The following CCSER1 variants were observed in gnomAD, a reference collection of about 807,000 sequenced individuals.
CCSER1 encodes serine-rich coiled-coil domain-containing protein 1.
Under a neutral mutation model 82.0 loss-of-function variants are expected in CCSER1, and 41 were observed. The observed-to-expected ratio is 0.50, with a 90% CI of 0.39 to 0.65. CCSER1 has a LOEUF of 0.65. CCSER1 is among the 30% of genes least tolerant of loss of function. CCSER1 has a pLI of 0.00. For missense variants in CCSER1, 1,119 were observed against 1,064.2 expected (o/e 1.05, Z -0.72); for synonymous variants, 414 against 383.9 (o/e 1.08, Z -0.92).
chr4:91,202,543 A>G (rs1281516699), intron 10 of CCSER1, among the ~76,000 whole-genome samples: 2 of 152,028 alleles, frequency 1.3e-5, no homozygotes, highest in African/African-American at 4.8e-5. Context: ...ATTTTTATTG[A>G]TTGCCGAAAG....
At chr4:91,121,041 C>T (rs1368318352) in intron 10 of CCSER1, among the ~76,000 whole-genome samples, 1 of 151,704 alleles carries the variant, frequency 6.6e-6, no homozygotes, top group Non-Finnish European at 1.5e-5. Flanking sequence ...TAATAAAAAA[C>T]ATTTTGACAG....
intron 10 of CCSER1, among the ~76,000 whole-genome samples, chr4:91,318,883 TC>T (rs1468363014): frequency 6.6e-6 from 1 of 151,998 alleles, no homozygotes; most frequent in East Asian, 1.9e-4. Context: ...GCATATTCCC[TC>T]ATTAGTTTTT....
At chr4:91,586,100 G>A (rs1172840248) in intron 10 of CCSER1, among the ~76,000 whole-genome samples, 3 of 151,630 alleles carry the variant, frequency 2.0e-5, no homozygotes, top group South Asian at 2.1e-4. Flanking sequence ...AGAGGTAGAA[G>A]GAGAATGCAT....
At chr4:90,324,007 G>T (rs1276273853) in intron 3 of CCSER1, among the ~76,000 whole-genome samples, 7 of 152,042 alleles carry the variant, frequency 4.6e-5, no homozygotes, top group African/African-American at 7.2e-5. Context: ...ACTCATCATT[G>T]TTTATGGCTG....
intron 1 of CCSER1, among the ~76,000 whole-genome samples, chr4:90,135,307 A>T (rs564422163): frequency 6.6e-6 from 1 of 152,160 alleles, no homozygotes; most frequent in South Asian, 2.1e-4. Flanking sequence ...ACCCAATCTC[A>T]CTATTCCTCC....
chr4:90,744,816 G>A (rs892738758), intron 7 of CCSER1, among the ~76,000 whole-genome samples: 1 of 151,942 alleles, frequency 6.6e-6, no homozygotes, highest in Non-Finnish European at 1.5e-5. Flanking sequence ...AGTGATCTGA[G>A]GTGGAATAGT....
At chr4:91,398,546 A>C (rs1490992206) in intron 10 of CCSER1, among the ~76,000 whole-genome samples, 3 of 151,998 alleles carry the variant, frequency 2.0e-5, no homozygotes, top group Non-Finnish European at 4.4e-5. Flanking sequence ...GAATTAATTC[A>C]TTAATGTACA....
chr4:90,878,467 T>G (rs1024806003), intron 8 of CCSER1, among the ~76,000 whole-genome samples: 1 of 152,186 alleles, frequency 6.6e-6, no homozygotes, highest in African/African-American at 2.4e-5. Context: ...GATTAATAGG[T>G]CTTTTCACTT....
intron 10 of CCSER1, among the ~76,000 whole-genome samples, chr4:91,347,881 C>G (rs764936690): frequency 3.3e-5 from 5 of 149,906 alleles, no homozygotes; most frequent in African/African-American, 9.8e-5. Flanking sequence ...TGTCAATTCT[C>G]TGCAATTTTC....
chr4:90,391,299 A>T (rs1751009522), intron 3 of CCSER1, among the ~76,000 whole-genome samples: 1 of 147,158 alleles, frequency 6.8e-6, no homozygotes, highest in Non-Finnish European at 1.5e-5. Context: ...AAAAAAAAGA[A>T]AAAGAAGTAG....
intron 10 of CCSER1, among the ~76,000 whole-genome samples, chr4:91,175,363 G>T (rs535136353): frequency 1.3e-5 from 2 of 152,232 alleles, no homozygotes; most frequent in African/African-American, 4.8e-5. Context: ...GGCTCAAATG[G>T]TATTTCTAGT....
chr4:90,179,451 G>C (rs1258424540), intron 1 of CCSER1, among the ~76,000 whole-genome samples: 3 of 152,114 alleles, frequency 2.0e-5, no homozygotes, highest in African/African-American at 7.2e-5. Flanking sequence ...GGAGTGCAGT[G>C]GTATAATCCT....
At chr4:90,912,919 G>A (rs528156825) in intron 8 of CCSER1, among the ~76,000 whole-genome samples, 1 of 152,262 alleles carries the variant, frequency 6.6e-6, no homozygotes, top group South Asian at 2.1e-4. Flanking sequence ...GAAATGAAGT[G>A]AGAAGAGAAA....
rs553376598 is a variant in CCSER1, at chr4:90,512,734, A to G, written c.1724+44380A>G. On this transcript the variant is annotated intron_variant, in intron 5 of 10. Coordinates refer to ENST00000509176, the MANE Select transcript of CCSER1 (RefSeq NM_001145065.2). ...CCAATCACATTTAGAATAATTACTG[A>G]TCTAATCATATTTAGAATATGTTTA... is the stretch of plus-strand genomic sequence containing the variant. 2.0e-4 allele frequency among the ~76,000 whole-genome samples: 30 copies of G among 152,266 alleles called. No homozygotes were observed. In the East Asian group the frequency reaches 3.5e-3, roughly 18 times the overall value.
At chr4:91,392,236 G>A (rs1465797535) in intron 10 of CCSER1, among the ~76,000 whole-genome samples, 1 of 151,868 alleles carries the variant, frequency 6.6e-6, no homozygotes, top group Non-Finnish European at 1.5e-5. Flanking sequence ...GAAAATAGCA[G>A]GATATTTCTC....
intron 3 of CCSER1, among the ~76,000 whole-genome samples, chr4:90,383,329 G>C (rs1260950727): frequency 2.0e-5 from 3 of 152,128 alleles, no homozygotes; most frequent in Non-Finnish European, 4.4e-5. Flanking sequence ...ATGAATTACA[G>C]ATTATCATGA....
intron 10 of CCSER1, among the ~76,000 whole-genome samples, chr4:91,354,348 G>A (rs1233748792): frequency 6.6e-6 from 1 of 152,202 alleles, no homozygotes; most frequent in Non-Finnish European, 1.5e-5. Context: ...GCAGTAAGAA[G>A]AAAGATGGCT....
intron 1 of CCSER1, among the ~76,000 whole-genome samples, chr4:90,173,990 AT>A (rs1732217607): frequency 6.6e-6 from 1 of 151,866 alleles, no homozygotes; most frequent in Non-Finnish European, 1.5e-5. Context: ...TGTAGGATTT[AT>A]TTTCTTCTTA....
intron 6 of CCSER1, among the ~76,000 whole-genome samples, chr4:90,683,468 G>T (rs891846305): frequency 6.6e-6 from 1 of 151,860 alleles, no homozygotes; most frequent in African/African-American, 2.4e-5. Flanking sequence ...TGGTGAATTG[G>T]CTCTCCTTAA....
Sources: allele counts gnomAD v4.1 joint callset (sites outside exome capture counted in the v4.1 genomes callset), GRCh38; gene constraint gnomAD v4.1.1; transcripts MANE v1.5; gene names NCBI Gene and HGNC (gene_info 2026-07-23, HGNC 2026-07-21).